SLC8A1: variants seen among roughly 807,000 people sequenced by gnomAD.
The protein encoded by SLC8A1 is sodium/calcium exchanger 1.
SLC8A1 carries 18 observed loss-of-function variants against 68.3 expected under a neutral mutation model. The observed-to-expected ratio is 0.26, with a 90% confidence interval of 0.18 to 0.39. The LOEUF (loss-of-function observed/expected upper bound fraction) is 0.39, where lower values mean the gene tolerates loss of function less well. SLC8A1 is among the 10% of genes least tolerant of loss of function. The pLI is 1.00. For missense variants in SLC8A1, 985 were observed against 1,156.7 expected, an observed-to-expected ratio of 0.85 and a Z score of 2.15; for synonymous variants, 475 against 415.5, an observed-to-expected ratio of 1.14 and a Z score of -1.74.
chr2:40,305,094 C>T (rs1217665730), intron 2 of SLC8A1, among the ~76,000 whole-genome samples: 1 of 152,202 alleles, frequency 6.6e-6, no homozygotes, highest in East Asian at 1.9e-4. Flanking sequence ...TCTGCTGGTC[C>T]ATGGATTGCA....
chr2:40,498,027 T>G (rs1190162715), intron 1 of SLC8A1, among the ~76,000 whole-genome samples: 1 of 151,968 alleles, frequency 6.6e-6, no homozygotes, highest in African/African-American at 2.4e-5. Flanking sequence ...CTATTGGATT[T>G]TGGGACTGAT....
At chr2:40,416,248 G>C (rs1693840319) in intron 2 of SLC8A1, among the ~76,000 whole-genome samples, 1 of 151,886 alleles carries the variant, frequency 6.6e-6, no homozygotes, top group African/African-American at 2.4e-5. Context: ...CATTGTGACA[G>C]GAAGGTCAAC....
intron 2 of SLC8A1, among the ~76,000 whole-genome samples, chr2:40,392,625 T>A (rs532639430): frequency 2.6e-4 from 39 of 152,232 alleles, no homozygotes; most frequent in Admixed American, 2.2e-3. Context: ...ACTAAAAATA[T>A]CTTTGAAAGT....
intron 1 of SLC8A1, among the ~76,000 whole-genome samples, chr2:40,502,550 C>A (rs1432625654): frequency 1.3e-5 from 2 of 151,976 alleles, no homozygotes; most frequent in East Asian, 1.9e-4. Context: ...TATACTTTAT[C>A]TCATTGGTTC....
At chr2:40,334,215 G>T (rs768049587) in intron 2 of SLC8A1, among the ~76,000 whole-genome samples, 1 of 152,192 alleles carries the variant, frequency 6.6e-6, no homozygotes, top group African/African-American at 2.4e-5. Flanking sequence ...GAGGTTTAGA[G>T]AAGTTAGTGA....
At chr2:40,335,385 C>G (rs184075459) in intron 2 of SLC8A1, among the ~76,000 whole-genome samples, 2,293 of 152,208 alleles carry the variant, frequency 0.015, 63 homozygotes, top group African/African-American at 0.052. Flanking sequence ...TCAGATATGG[C>G]TTCATCTGGA....
intron 2 of SLC8A1, among the ~76,000 whole-genome samples, chr2:40,361,142 G>A (rs753388937): frequency 2.6e-5 from 4 of 152,080 alleles, no homozygotes; most frequent in Non-Finnish European, 4.4e-5. Flanking sequence ...CATGGCATTC[G>A]GGTGTTAACA....
intron 2 of SLC8A1, among the ~76,000 whole-genome samples, chr2:40,226,798 C>T (rs1326125742): frequency 1.3e-5 from 2 of 152,072 alleles, no homozygotes; most frequent in Admixed American, 1.3e-4. Context: ...TTAGTATAAT[C>T]CTGAAATTAG....
At chr2:40,260,926 T>C (rs900584380) in intron 2 of SLC8A1, among the ~76,000 whole-genome samples, 1 of 152,048 alleles carries the variant, frequency 6.6e-6, no homozygotes. Context: ...CTTATTTCCA[T>C]CCACAAATTA....
In SLC8A1 at chr2:40,314,981, T is replaced by G. The variant is rs550268614; in HGVS notation, c.1808+113492A>C. Among the ~76,000 whole-genome samples, 14 of 152,166 alleles carry G rather than the reference T, an allele frequency of 9.2e-5. No homozygotes were observed. In the South Asian group the frequency reaches 2.9e-3, roughly 32 times the overall value. On this transcript the variant is annotated intron_variant, in intron 2 of 7. Transcript: ENST00000406785. ...TGTCTTTCCAATCTGGATGTAATTT[T>G]TTTTCTTGCTTTATTGCACTGGCTA...
intron 2 of SLC8A1, among the ~76,000 whole-genome samples, chr2:40,302,031 CTGTGTGTGTGTGTGTGTGTGTG>C (rs374407377): frequency 7.6e-6 from 1 of 132,228 alleles, no homozygotes; most frequent in East Asian, 2.4e-4. Flanking sequence ...CCGGGCTAAT[CTGTGTGTGTGTGTGTGTGTGTG>C]TGTGTGTGTG....
At chr2:40,207,922 A>G (rs1377137044) in intron 2 of SLC8A1, among the ~76,000 whole-genome samples, 2 of 152,124 alleles carry the variant, frequency 1.3e-5, no homozygotes, top group Non-Finnish European at 2.9e-5. Flanking sequence ...GCACATATTC[A>G]AAGTATGCTG....
intron 1 of SLC8A1, among the ~76,000 whole-genome samples, chr2:40,466,999 C>A (rs918803464): frequency 1.0e-4 from 15 of 147,532 alleles, no homozygotes; most frequent in African/African-American, 3.7e-4. Context: ...GTGCAGAGAA[C>A]GGAAGAGAAG....
chr2:40,333,542 G>C (rs1289953789), intron 2 of SLC8A1, among the ~76,000 whole-genome samples: 1 of 151,594 alleles, frequency 6.6e-6, no homozygotes, highest in African/African-American at 2.4e-5. Context: ...GGAAAAATCT[G>C]AATTCTATTC....
At chr2:40,404,006 G>A (rs1011721439) in intron 2 of SLC8A1, among the ~76,000 whole-genome samples, 1 of 152,100 alleles carries the variant, frequency 6.6e-6, no homozygotes, top group Non-Finnish European at 1.5e-5. Flanking sequence ...CAGATACACT[G>A]GTATCTAATA....
intron 2 of SLC8A1, among the ~76,000 whole-genome samples, chr2:40,339,973 T>G (rs1021864984): frequency 2.0e-5 from 3 of 152,222 alleles, no homozygotes; most frequent in Non-Finnish European, 4.4e-5. Flanking sequence ...ACTGCATGAC[T>G]TTTCAGAGCT....
intron 2 of SLC8A1, among the ~76,000 whole-genome samples, chr2:40,257,618 T>C (rs933671693): frequency 3.3e-5 from 5 of 152,166 alleles, no homozygotes; most frequent in Admixed American, 6.5e-5. Context: ...GACAATCTAG[T>C]CTTTACTGGA....
At chr2:40,285,041 T>C (rs1282583235) in intron 2 of SLC8A1, among the ~76,000 whole-genome samples, 3 of 152,138 alleles carry the variant, frequency 2.0e-5, no homozygotes, top group African/African-American at 7.2e-5. Context: ...CACACAATCA[T>C]CTTTGAAAAA....
intron 2 of SLC8A1, among the ~76,000 whole-genome samples, chr2:40,356,318 A>ATGAC (rs750953036): frequency 1.4e-4 from 22 of 152,182 alleles, no homozygotes; most frequent in Non-Finnish European, 2.8e-4. Context: ...ACTCAGATTT[A>ATGAC]TGACTGACTG....
Sources: gnomAD v4.1 joint callset for allele counts (sites outside exome capture counted in the v4.1 genomes callset) on GRCh38, gnomAD v4.1.1 for gene constraint, MANE v1.5 for transcripts, NCBI Gene and HGNC (gene_info 2026-07-23, HGNC 2026-07-21) for gene names.